LUZP2: variants seen among roughly 807,000 people sequenced by gnomAD.
LUZP2 encodes leucine zipper protein 2.
Under a neutral mutation model 51.6 loss-of-function variants are expected in LUZP2, and 52 were observed. That is an observed-to-expected ratio of 1.01 (90% CI 0.81 to 1.27). LUZP2 has a LOEUF of 1.27. Among genes scored for constraint, LUZP2 ranks in the 50% most tolerant of loss-of-function variants. The pLI is 0.00. For missense variants in LUZP2, 436 were observed against 395.4 expected (o/e 1.10, Z -0.87); for synonymous variants, 154 against 137.3 (o/e 1.12, Z -0.85).
intron 1 of LUZP2, among the ~76,000 whole-genome samples, chr11:24,695,881 C>G (rs751725876): frequency 2.0e-5 from 3 of 150,146 alleles, no homozygotes; most frequent in African/African-American, 4.9e-5. Context: ...TATGCATATA[C>G]TTTTCTAAAA....
chr11:24,896,641 G>A (rs975578021), intron 5 of LUZP2, among the ~76,000 whole-genome samples: 4 of 152,262 alleles, frequency 2.6e-5, no homozygotes, highest in South Asian at 2.1e-4. Context: ...CCTGCTCCCC[G>A]GTGCCTGGTC....
intron 1 of LUZP2, among the ~76,000 whole-genome samples, chr11:24,529,603 A>G (rs1233200153): frequency 6.6e-6 from 1 of 151,138 alleles, no homozygotes; most frequent in Admixed American, 6.6e-5. Context: ...AGAATAAGAC[A>G]TTTAAATACC....
chr11:24,813,219 C>T (rs75391977), intron 5 of LUZP2, among the ~76,000 whole-genome samples: 2,023 of 152,290 alleles, frequency 0.013, 49 homozygotes, highest in African/African-American at 0.046. Context: ...GCACAGAATA[C>T]AAATTCCTTC....
chr11:24,955,429 T>C (rs1247138708), intron 7 of LUZP2, among the ~76,000 whole-genome samples: 1 of 151,874 alleles, frequency 6.6e-6, no homozygotes, highest in East Asian at 1.9e-4. Context: ...ATTTATAAAA[T>C]GGCTGGGATA....
rs753310456 is a variant in LUZP2 at position 25,078,542 on chromosome 11, ATTGT to A, written c.937-9_937-6del. On this transcript the variant is annotated splice_polypyrimidine_tract_variant and splice_region_variant and intron_variant, in intron 11 of 11. Coordinates refer to ENST00000336930, the MANE Select transcript of LUZP2 (RefSeq NM_001009909.4). ...TGATTCTTCGAATTGTCTTTTCTGTATTGTTTAACAGAAATTGCAAATGCCTCCT... is the reference window on the plus strand; with the variant it reads ...TGATTCTTCGAATTGTCTTTTCTGTATTAACAGAAATTGCAAATGCCTCCT... The A allele has an allele frequency of 7.4e-5, 118 of 1,592,826 alleles. No homozygotes were observed. The African/African-American group carries it at 1.5e-3, about 20-fold the overall frequency.
chr11:24,666,761 T>C (rs919981868), intron 1 of LUZP2, among the ~76,000 whole-genome samples: 1 of 152,206 alleles, frequency 6.6e-6, no homozygotes, highest in Non-Finnish European at 1.5e-5. Context: ...TTATCTTCGA[T>C]GTTTGGAAGT....
intron 9 of LUZP2, among the ~76,000 whole-genome samples, chr11:25,009,177 G>A (rs1298114005): frequency 6.6e-6 from 1 of 152,228 alleles, no homozygotes; most frequent in Non-Finnish European, 1.5e-5. Context: ...GGGAGGAACA[G>A]AGGACATTGC....
chr11:25,078,858 C>A lies in LUZP2; in HGVS notation c.*200C>A. ...CAATAACCTCATTGAATTGAATACC[C>A]ACAGTCAGAAATATTTTGTTGTCAA... On this transcript the variant is annotated 3_prime_UTR_variant, in exon 12 of 12. Transcript: ENST00000336930. 1 of 494,346 alleles carries A rather than the reference C, an allele frequency of 2.0e-6. No individual in the cohort carries two copies. The highest frequency in any genetic ancestry group is 3.5e-6 in the Non-Finnish European group (1 of 284,452). 30.6% of individuals were successfully genotyped at this position (494,346 alleles called of 1,614,324 possible).
intron 9 of LUZP2, among the ~76,000 whole-genome samples, chr11:25,009,372 TA>T: frequency 6.6e-6 from 1 of 152,322 alleles, no homozygotes; most frequent in South Asian, 2.1e-4. Flanking sequence ...GTTATGTCCA[TA>T]AATAATTATT....
At chr11:24,858,833 C>T (rs1006343456) in intron 5 of LUZP2, among the ~76,000 whole-genome samples, 28 of 152,288 alleles carry the variant, frequency 1.8e-4, no homozygotes, top group African/African-American at 6.3e-4. Context: ...GCAATATAGG[C>T]TCTGCCAAAA....
intron 1 of LUZP2, among the ~76,000 whole-genome samples, chr11:24,690,181 A>G (rs187836958): frequency 6.1e-4 from 93 of 152,226 alleles, no homozygotes; most frequent in Non-Finnish European, 1.2e-3. Context: ...CATTAAATTA[A>G]TAATCACATT....
chr11:24,875,372 A>G (rs549514617), intron 5 of LUZP2, among the ~76,000 whole-genome samples: 3 of 148,462 alleles, frequency 2.0e-5, no homozygotes, highest in Non-Finnish European at 4.5e-5. Flanking sequence ...TTGTTCTTGC[A>G]ATAGTTTACT....
At chr11:24,791,363 A>G (rs980655580) in intron 5 of LUZP2, among the ~76,000 whole-genome samples, 1 of 152,158 alleles carries the variant, frequency 6.6e-6, no homozygotes, top group Admixed American at 6.5e-5. Flanking sequence ...CCCATTATAA[A>G]TTTAGCTTTA....
chr11:25,007,661 G>A (rs999254677), intron 9 of LUZP2, among the ~76,000 whole-genome samples: 6 of 152,026 alleles, frequency 3.9e-5, no homozygotes, highest in African/African-American at 1.4e-4. Flanking sequence ...TGAATCCAGG[G>A]TGTGAATCTG....
At chr11:24,526,341 C>A (rs1196117390) in intron 1 of LUZP2, among the ~76,000 whole-genome samples, 3 of 149,888 alleles carry the variant, frequency 2.0e-5, no homozygotes, top group Non-Finnish European at 4.5e-5. Flanking sequence ...CTAATTCATT[C>A]AAATTTTATT....
intron 9 of LUZP2, among the ~76,000 whole-genome samples, chr11:25,022,238 A>G (rs1857357480): frequency 1.3e-5 from 2 of 151,980 alleles, no homozygotes. Context: ...AATTATTCAA[A>G]TTGTATCTAA....
chr11:24,771,116 TTTTA>T (rs1370787538), intron 5 of LUZP2, among the ~76,000 whole-genome samples: 18 of 152,304 alleles, frequency 1.2e-4, no homozygotes, highest in African/African-American at 4.1e-4. Flanking sequence ...TTTTGTTTAT[TTTTA>T]TTTGTCTGCT....
chr11:24,853,171 T>G (rs576973026), intron 5 of LUZP2, among the ~76,000 whole-genome samples: 4 of 152,324 alleles, frequency 2.6e-5, no homozygotes, highest in Non-Finnish European at 5.9e-5. Context: ...ATAGTGTTGA[T>G]GATCTTTACA....
In LUZP2 at chr11:24,793,981, A is replaced by C. The variant is rs1440470993; in HGVS notation, c.396+30673A>C. Among the ~76,000 whole-genome samples the C allele has an allele frequency of 2.6e-5, 4 of 152,110 alleles. No homozygotes were observed. The East Asian group carries it at 5.8e-4, about 22-fold the overall frequency. On this transcript the variant is annotated intron_variant, in intron 5 of 11. Transcript: ENST00000336930. ...GAAAGTCAGAAAAGTAATCTTTCTA[A>C]TATTGAGTCTGAGAAGATACAAGGA...
Sources: gnomAD v4.1 joint callset for allele counts (sites outside exome capture counted in the v4.1 genomes callset) on GRCh38, gnomAD v4.1.1 for gene constraint, MANE v1.5 for transcripts, NCBI Gene and HGNC (gene_info 2026-07-23, HGNC 2026-07-21) for gene names.